COPS3: variants seen among roughly 807,000 people sequenced by gnomAD.
COPS3 encodes COP9 signalosome subunit 3.
COPS3 carries 10 observed loss-of-function variants against 58.2 expected under a neutral mutation model. The observed-to-expected ratio is 0.17, with a 90% CI of 0.11 to 0.29. COPS3 has a LOEUF of 0.29. COPS3 is among the 10% of genes least tolerant of loss of function. The probability of loss-of-function intolerance (pLI) is 1.00; values close to 1 mark genes in which losing one functional copy is unlikely to be tolerated. For missense variants in COPS3, 333 were observed against 510.1 expected (o/e 0.65, Z 3.34); for synonymous variants, 187 against 181.7 (o/e 1.03, Z -0.24).
intron 6 of COPS3, 40 bp downstream of exon 6, chr17:17,264,762 C>G (rs373690117): frequency 1.9e-6 from 3 of 1,559,272 alleles, no homozygotes; most frequent in African/African-American, 2.8e-5. Flanking sequence ...TTTGATCACA[C>G]AAGTTCAGAA....
chr17:17,260,700 G>A (rs1452996286), intron 7 of COPS3: 5 of 308,224 alleles, frequency 1.6e-5, no homozygotes, highest in Non-Finnish European at 3.0e-5. Context: ...CTACTTGGGA[G>A]GCTGAGGCAA....
intron 10 of COPS3, chr17:17,247,861 G>T: frequency 3.8e-6 from 1 of 265,694 alleles, no homozygotes; most frequent in East Asian, 6.8e-5. Flanking sequence ...ACCATTTCAG[G>T]TGACATTTTG....
chr17:17,250,517 C>T (rs562567508), intron 9 of COPS3, among the ~76,000 whole-genome samples: 69 of 152,112 alleles, frequency 4.5e-4, no homozygotes, highest in Non-Finnish European at 8.7e-4. Context: ...TTCTTTTCAT[C>T]CCAGTGGAAA....
chr17:17,271,726 T>C (rs945759603), intron 2 of COPS3, among the ~76,000 whole-genome samples: 1 of 150,158 alleles, frequency 6.7e-6, no homozygotes, highest in Non-Finnish European at 1.5e-5. Context: ...CTCGGGAGGC[T>C]GAGGAACTGC....
At chr17:17,250,488 A>C (rs1306098068) in intron 9 of COPS3, among the ~76,000 whole-genome samples, 2 of 152,066 alleles carry the variant, frequency 1.3e-5, no homozygotes, top group African/African-American at 4.8e-5. Context: ...GTATTTTAAA[A>C]AGTAAAGCCT....
intron 10 of COPS3, 33 bp from the exon 11 acceptor site, chr17:17,247,593 G>T (rs766790009): frequency 6.2e-7 from 1 of 1,604,438 alleles, no homozygotes; most frequent in Non-Finnish European, 8.5e-7. Flanking sequence ...GGTGGTCAGC[G>T]GCGGGTTTAG....
At chr17:17,270,362 T>C (rs1050018227) in intron 4 of COPS3, among the ~76,000 whole-genome samples, 5 of 152,126 alleles carry the variant, frequency 3.3e-5, no homozygotes, top group African/African-American at 1.2e-4. Flanking sequence ...ATGTTAACAT[T>C]TGGAAAATCT....
chr17:17,271,139 T>C, intron 2 of COPS3, 131 bp from the exon 3 acceptor site: 1 of 732,782 alleles, frequency 1.4e-6, no homozygotes, highest in Non-Finnish European at 2.3e-6. Flanking sequence ...TTTTTTAGAA[T>C]TAAGAACTAG....
At chr17:17,272,666 C>A (rs1344037134) in intron 2 of COPS3, among the ~76,000 whole-genome samples, 7 of 152,136 alleles carry the variant, frequency 4.6e-5, no homozygotes, top group African/African-American at 1.4e-4. Flanking sequence ...CTTTGGGAGG[C>A]CAAGGTCGGA....
intron 1 of COPS3, among the ~76,000 whole-genome samples, chr17:17,276,714 G>A (rs1014875690): frequency 1.3e-5 from 2 of 151,910 alleles, no homozygotes; most frequent in South Asian, 2.1e-4. Context: ...GATTACAGGC[G>A]CCTGCCACTG....
Position 17,246,965 on chromosome 17 carries a change from T to G in COPS3, c.*133A>C. The G allele has an allele frequency of 1.3e-6, 1 of 789,792 alleles. No homozygotes were observed. Among genetic ancestry groups the G allele is most frequent in the East Asian group, 2.4e-5 (1 of 40,908 alleles). The allele number at this position is 789,792 out of a possible 1,614,324, so 48.9% of individuals were successfully genotyped here. A position where few individuals can be genotyped will look rare whatever the true frequency, so the allele number is the denominator to read the frequency against. On this transcript the variant is annotated 3_prime_UTR_variant, in exon 12 of 12. Transcript: ENST00000268717. ...ATGGTTTTCTGAAAGCACACAGGAC[T>G]GAAGATGTCAAAACAAAACTTAATT...
chr17:17,247,708 T>C, intron 10 of COPS3, 148 bp from the exon 11 acceptor site: 3 of 671,790 alleles, frequency 4.5e-6, no homozygotes, highest in Non-Finnish European at 7.6e-6. Flanking sequence ...AGCCAGAGTA[T>C]TTTGGACTCA....
chr17:17,265,390 A>AG (rs2048199549), intron 5 of COPS3, among the ~76,000 whole-genome samples: 1 of 151,736 alleles, frequency 6.6e-6, no homozygotes, highest in Non-Finnish European at 1.5e-5. Flanking sequence ...TTCAGAAAAA[A>AG]ACAGCATTAC....
intron 8 of COPS3, among the ~76,000 whole-genome samples, chr17:17,257,454 G>A (rs2048000920): frequency 6.6e-6 from 1 of 151,868 alleles, no homozygotes; most frequent in African/African-American, 2.4e-5. Context: ...ATATAACTGG[G>A]AGAGTCTATG....
intron 5 of COPS3, among the ~76,000 whole-genome samples, chr17:17,266,048 A>G (rs12453455): frequency 0.65 from 98,661 of 152,096 alleles, 32,367 homozygotes; most frequent in East Asian, 0.85. Context: ...TTTACTGTCT[A>G]TATGTTGTAC....
chr17:17,247,876 T>C (rs1399253604), intron 10 of COPS3: 2 of 231,360 alleles, frequency 8.6e-6, no homozygotes, highest in Non-Finnish European at 1.7e-5. Context: ...ATTTTGCCAT[T>C]AAATTAATTA....
intron 5 of COPS3, 133 bp from the exon 6 acceptor site, chr17:17,265,114 C>G: frequency 1.3e-6 from 1 of 771,662 alleles, no homozygotes; most frequent in Non-Finnish European, 2.1e-6. Flanking sequence ...CTAAAATTAT[C>G]TAAATGTCAA....
intron 9 of COPS3, among the ~76,000 whole-genome samples, chr17:17,250,286 G>T (rs566989586): frequency 3.2e-4 from 42 of 133,176 alleles, no homozygotes; most frequent in African/African-American, 1.2e-3. Flanking sequence ...ATGGGGTCTC[G>T]CTCTGTTGCC....
At chr17:17,276,365 G>T (rs997291324) in intron 1 of COPS3, among the ~76,000 whole-genome samples, 1 of 152,026 alleles carries the variant, frequency 6.6e-6, no homozygotes. Context: ...GATTACACTG[G>T]ACCTCCCACT....
Sources: gnomAD v4.1 joint callset for allele counts (sites outside exome capture counted in the v4.1 genomes callset) on GRCh38, gnomAD v4.1.1 for gene constraint, MANE v1.5 for transcripts, NCBI Gene and HGNC (gene_info 2026-07-23, HGNC 2026-07-21) for gene names.